TNFRSF10A: variants seen among roughly 807,000 people sequenced by gnomAD.
TNFRSF10A encodes TNF receptor superfamily member 10a.
TNFRSF10A carries 44 observed loss-of-function variants against 42.8 expected under a neutral mutation model. The observed-to-expected ratio is 1.03, with a 90% CI of 0.81 to 1.32. TNFRSF10A has a LOEUF of 1.32. Ranked by LOEUF, TNFRSF10A falls within the 40% of genes most tolerant of loss-of-function variation. TNFRSF10A has a pLI of 0.00. For missense variants in TNFRSF10A, 680 were observed against 602.0 expected, an observed-to-expected ratio of 1.13 and a Z score of -1.36; for synonymous variants, 259 against 234.2, an observed-to-expected ratio of 1.11 and a Z score of -0.97.
At chr8:23,198,687 C>T (rs573723041) in intron 8 of TNFRSF10A, among the ~76,000 whole-genome samples, 103 of 152,180 alleles carry the variant, frequency 6.8e-4, no homozygotes, top group Middle Eastern at 3.4e-3. Flanking sequence ...CAAACCAACA[C>T]TAGGGGGCTG....
rs146905803 is a variant in TNFRSF10A at position 23,201,197 on chromosome 8, C to G, written c.630-437G>C. Among the ~76,000 whole-genome samples, 282 of 152,262 alleles carry G rather than the reference C, an allele frequency of 1.9e-3. 1 individual carries two copies. Among genetic ancestry groups the G allele is most frequent in the African/African-American group, 6.1e-3 (252 of 41,546 alleles). On this transcript the variant is annotated intron_variant, in intron 4 of 9. Coordinates refer to ENST00000221132, the MANE Select transcript of TNFRSF10A (RefSeq NM_003844.4). ...TCAATCACAGCAAACACTGGAGGAC[C>G]AGAGAAGAGCAATTACTCTTTGCTT...
At chr8:23,199,188 C>T in intron 8 of TNFRSF10A, 78 bp downstream of exon 8, 3 of 1,537,284 alleles carry the variant, frequency 2.0e-6, no homozygotes, top group Non-Finnish European at 1.8e-6. Flanking sequence ...GGCTCCACTT[C>T]CCCTTTGACC....
At position 23,197,183 on chromosome 8, in the gene TNFRSF10A, A is replaced by G; in HGVS notation, c.1036T>C (p.Ser346Pro). 1 of 1,613,968 alleles carries G rather than the reference A, an allele frequency of 6.2e-7. No individual in the cohort carries two copies. The highest frequency in any genetic ancestry group is 8.5e-7 in the Non-Finnish European group (1 of 1,179,962). Residue 346 changes from serine to proline, a missense_variant, in exon 9 of 10, where the codon TCT (serine) becomes CCT (proline). Physicochemically the swap from Ser to Pro is moderately conservative, Grantham distance 74. Coordinates refer to ENST00000221132, the MANE Select transcript of TNFRSF10A (RefSeq NM_003844.4). ...CLLGPAEAEG[S>P]QRRRLLVPAN... is the part of the protein sequence containing the mutation. ...GGAACCAGCAGCCTCCTCCTCTGAG[A>G]CCCTTCAGCTTCTGCCGGTCCCTGT...
At position 23,205,711 on chromosome 8, in the gene TNFRSF10A, CT is replaced by C. The variant is rs35059862; in HGVS notation, c.404-2951del. 3.3e-3 allele frequency among the ~76,000 whole-genome samples: 428 copies of C among 130,832 alleles called. 3 individuals are homozygous for C. Among genetic ancestry groups the C allele is most frequent in the African/African-American group, 0.01 (371 of 35,376 alleles). The allele number at this position is 130,832 out of a possible 152,430, so 85.8% of individuals were successfully genotyped here. On this transcript the variant is annotated intron_variant, in intron 2 of 9. Coordinates refer to ENST00000221132, the MANE Select transcript of TNFRSF10A (RefSeq NM_003844.4). ...TAGACCTAGGTTAATGTCTGTGTTT[CT>C]TTTTTTTTTTTTTTTTGAGAAGGAG...
chr8:23,203,583 C>G (rs1800966657), intron 2 of TNFRSF10A, among the ~76,000 whole-genome samples: 1 of 152,218 alleles, frequency 6.6e-6, no homozygotes, highest in South Asian at 2.1e-4. Flanking sequence ...CTCACTCTCC[C>G]CTTTCAGTGC....
intron 1 of TNFRSF10A, among the ~76,000 whole-genome samples, chr8:23,222,933 C>A (rs558552390): frequency 6.6e-6 from 1 of 152,202 alleles, no homozygotes; most frequent in African/African-American, 2.4e-5. Context: ...AGCTGTCCTT[C>A]CCCTTCACCA....
chr8:23,196,351 G>C lies in TNFRSF10A; in HGVS notation c.1087+781C>G, dbSNP rs1034323687. Among the ~76,000 whole-genome samples, 3 of 150,728 alleles carry C rather than the reference G, an allele frequency of 2.0e-5. No individual in the cohort carries two copies. The South Asian group carries it at 6.3e-4, about 32-fold the overall frequency. On this transcript the variant is annotated intron_variant, in intron 9 of 9. Coordinates refer to ENST00000221132, the MANE Select transcript of TNFRSF10A (RefSeq NM_003844.4). The stretch of plus-strand genomic sequence containing the variant: ...TGGGACTACAGGCGCCCGCCAATAC[G>C]CCTGGCTAATTTTTTTTTGTATTTT...
intron 1 of TNFRSF10A, among the ~76,000 whole-genome samples, chr8:23,219,146 A>G (rs1348603886): frequency 2.0e-5 from 3 of 152,114 alleles, no homozygotes; most frequent in African/African-American, 7.2e-5. Flanking sequence ...TTAGGTCCCT[A>G]GTGACACCTC....
intron 9 of TNFRSF10A, among the ~76,000 whole-genome samples, chr8:23,196,644 C>A (rs1206964932): frequency 6.6e-6 from 1 of 152,134 alleles, no homozygotes; most frequent in Non-Finnish European, 1.5e-5. Flanking sequence ...AGTGATTGGC[C>A]CTCTGTGCAG....
intron 1 of TNFRSF10A, among the ~76,000 whole-genome samples, chr8:23,222,263 T>C (rs368952302): frequency 6.6e-6 from 1 of 152,152 alleles, no homozygotes; most frequent in African/African-American, 2.4e-5. Flanking sequence ...AAATTCTACA[T>C]TGATGAGCTC....
chr8:23,205,666 T>C (rs1447195311), intron 2 of TNFRSF10A, among the ~76,000 whole-genome samples: 1 of 151,914 alleles, frequency 6.6e-6, no homozygotes, highest in South Asian at 2.1e-4. Flanking sequence ...GACAGTGATG[T>C]TGATGAACCT....
At chr8:23,195,065 G>A (rs539731655) in intron 9 of TNFRSF10A, among the ~76,000 whole-genome samples, 35 of 152,302 alleles carry the variant, frequency 2.3e-4, no homozygotes, top group South Asian at 1.0e-3. Flanking sequence ...AGGCTGAGGC[G>A]TGAGAATTGC....
intron 1 of TNFRSF10A, 178 bp downstream of exon 1, chr8:23,224,578 C>T (rs1219647907): frequency 4.8e-6 from 4 of 826,588 alleles, no homozygotes; most frequent in South Asian, 1.8e-5. Flanking sequence ...CCGGGTCGCT[C>T]CTGCCTGGCC....
chr8:23,199,011 A>T (rs1050140218), intron 8 of TNFRSF10A, among the ~76,000 whole-genome samples: 2 of 152,256 alleles, frequency 1.3e-5, no homozygotes, highest in Non-Finnish European at 2.9e-5. Flanking sequence ...TCAGTCATCA[A>T]CAAACCCTGT....
intron 1 of TNFRSF10A, among the ~76,000 whole-genome samples, chr8:23,222,065 G>T (rs1801264562): frequency 6.6e-6 from 1 of 152,040 alleles, no homozygotes; most frequent in Admixed American, 6.6e-5. Flanking sequence ...TTTTAGTAGA[G>T]ACGGGGTTTC....
At chr8:23,208,054 G>A (rs1260008817) in intron 2 of TNFRSF10A, among the ~76,000 whole-genome samples, 1 of 152,186 alleles carries the variant, frequency 6.6e-6, no homozygotes, top group African/African-American at 2.4e-5. Context: ...GGAAAATGTG[G>A]GAAAGTGTGG....
intron 8 of TNFRSF10A, among the ~76,000 whole-genome samples, chr8:23,198,747 G>T (rs548675996): frequency 6.6e-6 from 1 of 152,282 alleles, no homozygotes; most frequent in African/African-American, 2.4e-5. Flanking sequence ...GTGTGTGCAT[G>T]TGTGTACATG....
At chr8:23,224,474 G>A in intron 1 of TNFRSF10A, 1 of 489,522 alleles carries the variant, frequency 2.0e-6, no homozygotes, top group South Asian at 2.2e-5. Context: ...ACATCGTGAG[G>A]TGTGGGCAGG....
chr8:23,198,171 A>G (rs1227470843), intron 8 of TNFRSF10A, among the ~76,000 whole-genome samples: 2 of 152,198 alleles, frequency 1.3e-5, no homozygotes, highest in Admixed American at 1.3e-4. Flanking sequence ...AAATGGGAGA[A>G]TCGGCAGCTC....
Sources: allele counts gnomAD v4.1 joint callset (sites outside exome capture counted in the v4.1 genomes callset), GRCh38; gene constraint gnomAD v4.1.1; transcripts MANE v1.5; gene names NCBI Gene and HGNC (gene_info 2026-07-23, HGNC 2026-07-21).